The following MECOM variants were observed in gnomAD, a reference collection of about 807,000 sequenced individuals.
The protein encoded by MECOM is histone-lysine N-methyltransferase MECOM.
In MECOM, 13 loss-of-function variants were observed where a neutral mutation model predicts 116.3. That is an observed-to-expected ratio of 0.11 (90% CI 0.07 to 0.18). MECOM has a LOEUF of 0.18. MECOM is among the 10% of genes least tolerant of loss of function. The probability of loss-of-function intolerance (pLI) is 1.00; values close to 1 mark genes in which losing one functional copy is unlikely to be tolerated. For missense variants in MECOM, 1,299 were observed against 1,509.0 expected (o/e 0.86, Z 2.31); for synonymous variants, 528 against 535.2 (o/e 0.99, Z 0.19).
At chr3:169,577,486 T>C (rs1480952687) in intron 1 of MECOM, among the ~76,000 whole-genome samples, 3 of 146,174 alleles carry the variant, frequency 2.1e-5, no homozygotes, top group African/African-American at 7.6e-5. Flanking sequence ...TTTTTTTTTT[T>C]CTCCAAAACT....
intron 2 of MECOM, among the ~76,000 whole-genome samples, chr3:169,234,722 T>C (rs1753824272): frequency 6.6e-6 from 1 of 152,210 alleles, no homozygotes; most frequent in Non-Finnish European, 1.5e-5. Context: ...CCATATATTT[T>C]ACATGTCAAC....
chr3:169,636,705 C>G (rs538966448), intron 1 of MECOM, among the ~76,000 whole-genome samples: 1 of 152,298 alleles, frequency 6.6e-6, no homozygotes, highest in South Asian at 2.1e-4. Flanking sequence ...GTTAAGATCT[C>G]TTGGGTTCAG....
At chr3:169,441,355 A>G (rs1257107032) in intron 1 of MECOM, among the ~76,000 whole-genome samples, 1 of 152,200 alleles carries the variant, frequency 6.6e-6, no homozygotes, top group African/African-American at 2.4e-5. Flanking sequence ...CTTTGAGTGT[A>G]TATAGCAACT....
chr3:169,330,071 G>A (rs1722482205), intron 2 of MECOM, among the ~76,000 whole-genome samples: 1 of 152,144 alleles, frequency 6.6e-6, no homozygotes, highest in African/African-American at 2.4e-5. Flanking sequence ...TGTTGCACAG[G>A]CTGGAGTACA....
chr3:169,484,754 A>G (rs1384310296), intron 1 of MECOM, among the ~76,000 whole-genome samples: 2 of 150,658 alleles, frequency 1.3e-5, no homozygotes, highest in African/African-American at 2.4e-5. Context: ...AAGGCACACT[A>G]ACATTGGAAG....
chr3:169,131,960 G>A, intron 3 of MECOM: 1 of 993,308 alleles, frequency 1.0e-6, no homozygotes, highest in South Asian at 4.5e-5. Flanking sequence ...ACTTAAGCAA[G>A]TTTGCAAAAG....
intron 2 of MECOM, among the ~76,000 whole-genome samples, chr3:169,325,902 T>C (rs1721756638): frequency 6.6e-6 from 1 of 152,200 alleles, no homozygotes; most frequent in South Asian, 2.1e-4. Flanking sequence ...ACATTTCAGC[T>C]TCCATAATGT....
intron 1 of MECOM, among the ~76,000 whole-genome samples, chr3:169,475,990 G>T (rs951300395): frequency 6.6e-6 from 1 of 152,132 alleles, no homozygotes; most frequent in Admixed American, 6.6e-5. Flanking sequence ...TGAATTTGTG[G>T]CTTGATGCCA....
At chr3:169,233,475 T>C (rs1056806757) in intron 2 of MECOM, among the ~76,000 whole-genome samples, 1 of 152,148 alleles carries the variant, frequency 6.6e-6, no homozygotes. Context: ...TTACAGCACA[T>C]TAAACTTTAA....
intron 1 of MECOM, among the ~76,000 whole-genome samples, chr3:169,575,490 C>T (rs755064667): frequency 2.6e-5 from 4 of 152,192 alleles, no homozygotes; most frequent in African/African-American, 4.8e-5. Context: ...CTGGGTTGCT[C>T]GTTTTCCTGC....
At chr3:169,400,811 C>A (rs192885854) in intron 1 of MECOM, among the ~76,000 whole-genome samples, 71 of 152,302 alleles carry the variant, frequency 4.7e-4, no homozygotes, top group African/African-American at 1.7e-3. Context: ...TGGGTTAATT[C>A]TCAGCATCCT....
At chr3:169,371,122 C>T (rs1032392516) in intron 2 of MECOM, among the ~76,000 whole-genome samples, 5 of 151,700 alleles carry the variant, frequency 3.3e-5, no homozygotes, top group Admixed American at 1.3e-4. Context: ...AACCTGAATG[C>T]GAAGGATGAA....
intron 1 of MECOM, among the ~76,000 whole-genome samples, chr3:169,475,079 A>ACAG (rs10646279): frequency 0.13 from 20,113 of 152,114 alleles, 2,294 homozygotes; most frequent in East Asian, 0.28. Context: ...AATTACTAAC[A>ACAG]CAGCACGTAA....
intron 2 of MECOM, among the ~76,000 whole-genome samples, chr3:169,159,140 A>T (rs1742445947): frequency 6.6e-6 from 1 of 152,214 alleles, no homozygotes; most frequent in Non-Finnish European, 1.5e-5. Flanking sequence ...CCTCATGAGC[A>T]ATCAGTTTCA....
chr3:169,138,162 T>C (rs1417813731), intron 3 of MECOM, among the ~76,000 whole-genome samples: 2 of 152,128 alleles, frequency 1.3e-5, no homozygotes, highest in East Asian at 1.9e-4. Flanking sequence ...GACTTTTATA[T>C]GCCCTCCCAG....
At chr3:169,311,683 C>CT (rs11476124) in intron 2 of MECOM, among the ~76,000 whole-genome samples, 9,725 of 150,264 alleles carry the variant, frequency 0.065, 374 homozygotes, top group East Asian at 0.17. Context: ...ACATTTTACT[C>CT]TTTTTTTTTT....
intron 1 of MECOM, among the ~76,000 whole-genome samples, chr3:169,433,641 G>GAAAGAAAGAAAGAAAGAAAGAAAGAA (rs1560268417): frequency 1.5e-3 from 137 of 90,064 alleles, no homozygotes; most frequent in African/African-American, 6.6e-3. Flanking sequence ...AAGAGAAAGA[G>GAAAGAAAGAAAGAAAGAAAGAAAGAA]AAAGAAAGAA....
At chr3:169,196,926 C>T (rs372187866) in intron 2 of MECOM, among the ~76,000 whole-genome samples, 8 of 151,988 alleles carry the variant, frequency 5.3e-5, no homozygotes, top group Admixed American at 5.3e-4. Context: ...TGCTCATCAA[C>T]AGTGGACTAG....
intron 1 of MECOM, among the ~76,000 whole-genome samples, chr3:169,494,526 G>A (rs1753581792): frequency 1.3e-5 from 2 of 152,176 alleles, no homozygotes; most frequent in African/African-American, 4.8e-5. Flanking sequence ...TGTAAGCATT[G>A]AAATACATTA....
Sources: allele counts gnomAD v4.1 joint callset (sites outside exome capture counted in the v4.1 genomes callset), GRCh38; gene constraint gnomAD v4.1.1; transcripts MANE v1.5; gene names NCBI Gene and HGNC (gene_info 2026-07-23, HGNC 2026-07-21).